Variants in KCNH8 observed in about 807,000 individuals in gnomAD.
KCNH8 encodes potassium voltage-gated channel subfamily H member 8.
A neutral mutation model predicts 103.6 loss-of-function variants in KCNH8; 70 were observed. The ratio of observed to expected loss-of-function variants is 0.68; its 90% CI spans 0.56 to 0.82. The LOEUF (loss-of-function observed/expected upper bound fraction) is 0.82, where lower values mean the gene tolerates loss of function less well. Among genes scored for constraint, KCNH8 ranks in the 40% least tolerant of loss-of-function variants. KCNH8 has a pLI of 0.00. For missense variants in KCNH8, 1,217 were observed against 1,329.9 expected (o/e 0.92, Z 1.32); for synonymous variants, 498 against 489.4 (o/e 1.02, Z -0.23).
chr3:19,461,832 A>G (rs2125193160), intron 11 of KCNH8, among the ~76,000 whole-genome samples: 1 of 152,198 alleles, frequency 6.6e-6, no homozygotes, highest in Admixed American at 6.5e-5. Context: ...CCACCCCACA[A>G]CAGGCCCCAG....
At chr3:19,278,581 G>A (rs1042122887) in intron 2 of KCNH8, among the ~76,000 whole-genome samples, 2 of 150,200 alleles carry the variant, frequency 1.3e-5, no homozygotes, top group African/African-American at 4.9e-5. Context: ...AGGGAGGGAG[G>A]GAAGGAAGGA....
intron 11 of KCNH8, among the ~76,000 whole-genome samples, chr3:19,486,398 T>C (rs9882467): frequency 0.66 from 100,153 of 152,128 alleles, 33,178 homozygotes; most frequent in Middle Eastern, 0.72. Flanking sequence ...TACCACAGCA[T>C]GGGGGGCTTT....
rs1361477634 is a variant in KCNH8 at position 19,492,936 on chromosome 3, C to A, written c.2041-17427C>A. Among the ~76,000 whole-genome samples, 3 of 151,318 alleles carry A rather than the reference C, an allele frequency of 2.0e-5. No homozygotes were observed. In the East Asian group the frequency reaches 5.8e-4, roughly 29 times the overall value. On this transcript the variant is annotated intron_variant, in intron 11 of 15. Coordinates refer to ENST00000328405, the MANE Select transcript of KCNH8 (RefSeq NM_144633.3). ...TCGTAATTTTCCATGTAGAGATCCT[C>A]CACCTCTTTGATTAGCTGTTTTTCT...
At chr3:19,386,123 G>A (rs1340800877) in intron 5 of KCNH8, among the ~76,000 whole-genome samples, 1 of 152,040 alleles carries the variant, frequency 6.6e-6, no homozygotes, top group Non-Finnish European at 1.5e-5. Context: ...AGAAAAAATG[G>A]ATTTAACCTT....
chr3:19,480,140 C>T (rs1483220003), intron 11 of KCNH8, among the ~76,000 whole-genome samples: 1 of 152,172 alleles, frequency 6.6e-6, no homozygotes, highest in African/African-American at 2.4e-5. Context: ...AAATAGATTT[C>T]CTATCTTCCC....
intron 1 of KCNH8, among the ~76,000 whole-genome samples, chr3:19,237,941 T>C (rs2064086670): frequency 6.6e-6 from 1 of 152,342 alleles, no homozygotes; most frequent in South Asian, 2.1e-4. Flanking sequence ...TTTACATATG[T>C]CCTATAAATT....
chr3:19,439,933 G>GA (rs1193181171), intron 8 of KCNH8, among the ~76,000 whole-genome samples: 2 of 151,414 alleles, frequency 1.3e-5, no homozygotes, highest in Non-Finnish European at 2.9e-5. Flanking sequence ...AAAGTGGAGA[G>GA]AAAAAACAAA....
At chr3:19,282,562 A>G (rs1340528317) in intron 3 of KCNH8, among the ~76,000 whole-genome samples, 1 of 152,206 alleles carries the variant, frequency 6.6e-6, no homozygotes, top group Non-Finnish European at 1.5e-5. Context: ...ATATAACACA[A>G]TCCTTAGAAA....
chr3:19,330,025 G>A (rs1192954259), intron 3 of KCNH8, among the ~76,000 whole-genome samples: 1 of 148,992 alleles, frequency 6.7e-6, no homozygotes, highest in Non-Finnish European at 1.5e-5. Context: ...AAAAAAAAAA[G>A]GATTGAATTC....
chr3:19,201,113 T>C (rs755875420), intron 1 of KCNH8, among the ~76,000 whole-genome samples: 4 of 150,742 alleles, frequency 2.7e-5, no homozygotes, highest in Non-Finnish European at 4.4e-5. Context: ...GCACCTGTTA[T>C]CCCAGCTACT....
rs780081130 is a variant in KCNH8, at chr3:19,477,982, T to C, written c.2040+21000T>C. On this transcript the variant is annotated intron_variant, in intron 11 of 15. Transcript: ENST00000328405. Reference sequence around the variant, plus strand: ...CACTCTGTATGTCCATGTATACCCATTGTTTAGCTCCCAAGTGAGAACATG... The same window carrying C: ...CACTCTGTATGTCCATGTATACCCACTGTTTAGCTCCCAAGTGAGAACATG... Among the ~76,000 whole-genome samples the C allele has an allele frequency of 3.9e-5, 6 of 152,136 alleles. No homozygotes were observed. In the East Asian group the frequency reaches 5.8e-4, roughly 15 times the overall value.
chr3:19,294,924 G>A (rs563507891), intron 3 of KCNH8, among the ~76,000 whole-genome samples: 3 of 152,064 alleles, frequency 2.0e-5, no homozygotes, highest in South Asian at 4.2e-4. Context: ...TGTGATCCTC[G>A]GACAAAACTT....
intron 10 of KCNH8, among the ~76,000 whole-genome samples, chr3:19,454,333 A>C (rs935825378): frequency 3.3e-5 from 5 of 151,980 alleles, no homozygotes; most frequent in South Asian, 4.2e-4. Context: ...CAAAAACTTA[A>C]CCTTAATCAT....
intron 7 of KCNH8, among the ~76,000 whole-genome samples, chr3:19,408,072 G>A (rs187764403): frequency 6.6e-6 from 1 of 152,070 alleles, no homozygotes; most frequent in Non-Finnish European, 1.5e-5. Flanking sequence ...TCAGTGCATT[G>A]GTTGAGGCAA....
intron 2 of KCNH8, among the ~76,000 whole-genome samples, chr3:19,268,125 AG>A (rs2064538411): frequency 1.3e-5 from 2 of 152,136 alleles, no homozygotes; most frequent in Non-Finnish European, 2.9e-5. Context: ...ATACAAGAAA[AG>A]GGAAAACATA....
rs1477149173 is a variant in KCNH8 at position 19,284,556 on chromosome 3, G to GGA, written c.442+3240_442+3241dup. ...GTGTGTGTGTGTGTGTGTGTGTGAG[G>GGA]GAGAGAGAGAGAGAAAGAGAGAGAC... is the stretch of plus-strand genomic sequence containing the variant. On this transcript the variant is annotated intron_variant, in intron 3 of 15. Transcript: ENST00000328405. Among the ~76,000 whole-genome samples the GGA allele has an allele frequency of 3.7e-5, 5 of 134,480 alleles. No homozygotes were observed. The East Asian group carries it at 6.6e-4, about 18-fold the overall frequency. 88.2% of individuals were successfully genotyped at this position (134,480 alleles called of 152,430 possible).
chr3:19,431,930 A>G (rs1347021582), intron 7 of KCNH8, among the ~76,000 whole-genome samples: 1 of 151,344 alleles, frequency 6.6e-6, no homozygotes. Context: ...TATTTTATTA[A>G]TTTTTTCAAA....
chr3:19,194,497 G>GGGACC (rs2063581925), intron 1 of KCNH8, among the ~76,000 whole-genome samples: 1 of 151,806 alleles, frequency 6.6e-6, no homozygotes, highest in African/African-American at 2.4e-5. Flanking sequence ...AATGAAAGAA[G>GGGACC]TGCTTATTAT....
chr3:19,419,238 C>T (rs200586881), intron 7 of KCNH8, among the ~76,000 whole-genome samples: 33 of 124,886 alleles, frequency 2.6e-4, no homozygotes, highest in African/African-American at 9.1e-4. Context: ...CTCGCTCTGT[C>T]GCCCAGGCTG....
Sources: gnomAD v4.1 joint callset for allele counts (sites outside exome capture counted in the v4.1 genomes callset) on GRCh38, gnomAD v4.1.1 for gene constraint, MANE v1.5 for transcripts, NCBI Gene and HGNC (gene_info 2026-07-23, HGNC 2026-07-21) for gene names.